GLDC: variants seen among roughly 807,000 people sequenced by gnomAD.
GLDC encodes glycine dehydrogenase (decarboxylating), mitochondrial.
Under a neutral mutation model 121.3 loss-of-function variants are expected in GLDC, and 104 were observed. That is an observed-to-expected ratio of 0.86 (90% CI 0.73 to 1.01). The LOEUF (loss-of-function observed/expected upper bound fraction) is 1.01. Among genes scored for constraint, GLDC ranks in the 50% least tolerant of loss-of-function variants. The pLI is 0.00. For missense variants in GLDC, 1,429 were observed against 1,306.6 expected, an observed-to-expected ratio of 1.09 and a Z score of -1.44; for synonymous variants, 546 against 480.6, an observed-to-expected ratio of 1.14 and a Z score of -1.78.
chr9:6,555,558 C>G, intron 18 of GLDC, among the ~76,000 whole-genome samples: 1 of 151,974 alleles, frequency 6.6e-6, no homozygotes, highest in East Asian at 1.9e-4. Flanking sequence ...TGCCTGAGCT[C>G]AGGAGTTCAA....
At chr9:6,574,008 C>T (rs941495379) in intron 15 of GLDC, among the ~76,000 whole-genome samples, 2 of 152,174 alleles carry the variant, frequency 1.3e-5, no homozygotes, top group Non-Finnish European at 2.9e-5. Flanking sequence ...AAAATCAAAA[C>T]CCCTCAACAC....
At chr9:6,571,264 C>T (rs571697073) in intron 15 of GLDC, among the ~76,000 whole-genome samples, 5 of 152,226 alleles carry the variant, frequency 3.3e-5, no homozygotes, top group African/African-American at 1.2e-4. Context: ...AAATATCTTC[C>T]GGGACACCCA....
chr9:6,553,629 G>A (rs1817559982), intron 19 of GLDC, 120 bp from the exon 20 acceptor site: 2 of 910,120 alleles, frequency 2.2e-6, no homozygotes, highest in South Asian at 2.7e-5. Flanking sequence ...CAGTGGAAGG[G>A]ACTCTCCACC....
At chr9:6,619,145 GCAAAAAAAAAAAAA>G (rs1237364674) in intron 3 of GLDC, among the ~76,000 whole-genome samples, 5 of 30,210 alleles carry the variant, frequency 1.7e-4, no homozygotes, top group Middle Eastern at 0.036. Context: ...TCTGTCTCAG[GCAAAAAAAAAAAAA>G]AAAAAAAAAA....
chr9:6,608,662 C>T (rs544053352), intron 4 of GLDC, among the ~76,000 whole-genome samples: 2 of 152,024 alleles, frequency 1.3e-5, no homozygotes, highest in African/African-American at 4.8e-5. Context: ...AGGAGAATGG[C>T]GTGAACCCGG....
rs894819806 is a variant in GLDC at position 6,645,143 on chromosome 9, C to T, written c.255+102G>A. On this transcript the variant is annotated intron_variant, in intron 1 of 24. Transcript: ENST00000321612. ...CCCGGGACCCAGGGTGCGGGGACCA[C>T]GCGGAGCGCAGCAGAGCTCAGGGTA... 40 of 1,232,176 alleles carry T rather than the reference C, an allele frequency of 3.2e-5. 1 individual carries two copies. In the South Asian group the frequency reaches 6.0e-4, roughly 19 times the overall value. The allele number at this position is 1,232,176 out of a possible 1,614,324, so 76.3% of individuals were successfully genotyped here.
At chr9:6,554,817 G>C in intron 18 of GLDC, 36 bp from the exon 19 acceptor site, 1 of 1,498,094 alleles carries the variant, frequency 6.7e-7, no homozygotes, top group African/African-American at 1.4e-5. Context: ...CAAAAGTCAA[G>C]AGCTTGGAAG....
chr9:6,556,763 C>T (rs1817640232), intron 17 of GLDC, among the ~76,000 whole-genome samples: 2 of 148,330 alleles, frequency 1.3e-5, no homozygotes, highest in African/African-American at 2.5e-5. Context: ...CACTGCACTC[C>T]AGCTTGGACA....
At chr9:6,566,406 A>G (rs1412525173) in intron 15 of GLDC, 1 of 151,976 alleles carries the variant, frequency 6.6e-6, no homozygotes, top group Non-Finnish European at 1.5e-5. Flanking sequence ...ACAAATCATC[A>G]CTCTATAATT....
chr9:6,561,635 T>C (rs1274608741), intron 16 of GLDC, among the ~76,000 whole-genome samples: 4 of 141,864 alleles, frequency 2.8e-5, no homozygotes, highest in Non-Finnish European at 6.0e-5. Flanking sequence ...GGTGACAGAG[T>C]GAGAGTCTCT....
intron 2 of GLDC, among the ~76,000 whole-genome samples, chr9:6,621,391 A>AG (rs1319468881): frequency 6.6e-6 from 1 of 152,184 alleles, no homozygotes; most frequent in African/African-American, 2.4e-5. Flanking sequence ...TAGGGTACTG[A>AG]GGATTGAAGA....
intron 16 of GLDC, among the ~76,000 whole-genome samples, chr9:6,564,741 G>C (rs1296311461): frequency 2.4e-4 from 37 of 152,354 alleles, no homozygotes; most frequent in Admixed American, 2.4e-3. Context: ...GGGGGAGCGA[G>C]TGGTGTCCAT....
chr9:6,555,237 G>A (rs1817598946), intron 18 of GLDC, among the ~76,000 whole-genome samples: 1 of 152,186 alleles, frequency 6.6e-6, no homozygotes, highest in Non-Finnish European at 1.5e-5. Flanking sequence ...GGAAGGGGCT[G>A]CGGGGGCACC....
chr9:6,630,591 A>G (rs570518394), intron 2 of GLDC, among the ~76,000 whole-genome samples: 2 of 152,286 alleles, frequency 1.3e-5, no homozygotes, highest in African/African-American at 4.8e-5. Context: ...TTTCTCTGCT[A>G]GAGGGTAAGG....
At chr9:6,573,787 C>A (rs1818010361) in intron 15 of GLDC, among the ~76,000 whole-genome samples, 1 of 152,150 alleles carries the variant, frequency 6.6e-6, no homozygotes, top group South Asian at 2.1e-4. Flanking sequence ...CGAAATGACC[C>A]ACTTCAGTTC....
At chr9:6,589,494 G>C (rs973831176) in intron 11 of GLDC, among the ~76,000 whole-genome samples, 2 of 152,100 alleles carry the variant, frequency 1.3e-5, no homozygotes, top group Non-Finnish European at 2.9e-5. Flanking sequence ...GCAGTGGCAC[G>C]ATCTCAACTC....
intron 9 of GLDC, among the ~76,000 whole-genome samples, 169 bp downstream of exon 9, chr9:6,594,845 A>AAG (rs1818459944): frequency 1.3e-5 from 2 of 152,278 alleles, no homozygotes; most frequent in Non-Finnish European, 1.5e-5. Flanking sequence ...AAGAAAGAGA[A>AAG]AGAAAGAAAG....
intron 23 of GLDC, among the ~76,000 whole-genome samples, chr9:6,535,694 A>G (rs551712881): frequency 1.3e-5 from 2 of 152,348 alleles, no homozygotes; most frequent in South Asian, 4.1e-4. Context: ...CCAAATGTCA[A>G]TCCAGTTTTC....
At chr9:6,570,160 G>A (rs190654108) in intron 15 of GLDC, among the ~76,000 whole-genome samples, 1 of 152,156 alleles carries the variant, frequency 6.6e-6, no homozygotes, top group Admixed American at 6.5e-5. Context: ...ATAATTTATG[G>A]TGAACACCAG....
Sources: allele counts gnomAD v4.1 joint callset (sites outside exome capture counted in the v4.1 genomes callset), GRCh38; gene constraint gnomAD v4.1.1; transcripts MANE v1.5; gene names NCBI Gene and HGNC (gene_info 2026-07-23, HGNC 2026-07-21).